Variants in SIRT3 observed in about 807,000 individuals in gnomAD.
SIRT3 encodes the protein NAD-dependent protein deacetylase sirtuin-3, mitochondrial.
Under a neutral mutation model 33.5 loss-of-function variants are expected in SIRT3, and 26 were observed. The observed-to-expected ratio is 0.78, with a 90% CI of 0.57 to 1.08. The LOEUF (loss-of-function observed/expected upper bound fraction) is 1.08. Among genes scored for constraint, SIRT3 ranks in the 50% least tolerant of loss-of-function variants. The probability of loss-of-function intolerance (pLI) is 0.00; values close to 1 mark genes in which losing one functional copy is unlikely to be tolerated. For missense variants in SIRT3, 585 were observed against 530.1 expected (o/e 1.10, Z -1.02); for synonymous variants, 237 against 222.1 (o/e 1.07, Z -0.60).
chr11:235,030 A>ACCAC (rs1858756432), intron 1 of SIRT3, among the ~76,000 whole-genome samples: 1 of 151,906 alleles, frequency 6.6e-6, no homozygotes, highest in African/African-American at 2.4e-5. Context: ...GGCGCCCGCC[A>ACCAC]CCACGCCCGG....
At chr11:231,837 T>C (rs779409725) in intron 3 of SIRT3, among the ~76,000 whole-genome samples, 43 of 151,362 alleles carry the variant, frequency 2.8e-4, no homozygotes, top group Admixed American at 2.6e-4. Context: ...CCACCTCTTT[T>C]TAACTGACAA....
upstream of SIRT3, chr11:236,701 C>G: frequency 2.7e-6 from 1 of 365,606 alleles, no homozygotes; most frequent in South Asian, 2.7e-5. Context: ...CTAATCCTCG[C>G]AAAACACTAC....
At position 219,202 on chromosome 11, in the gene SIRT3, T is replaced by C. The variant is rs145905941; in HGVS notation, c.970-161A>G. 2.0e-3 allele frequency among the ~76,000 whole-genome samples: 300 copies of C among 152,234 alleles called. 1 individual carries two copies. The highest frequency in any genetic ancestry group is 7.0e-3 in the African/African-American group (289 of 41,510). On this transcript the variant is annotated intron_variant, in intron 5 of 6. Coordinates refer to ENST00000382743, the MANE Select transcript of SIRT3 (RefSeq NM_012239.6). Reference sequence around the variant, plus strand: ...ACCAATCTCATTTCTTCAGCTGAGCTCCTGCCGCTTGGCCTCCGTGACGGT... The same window carrying C: ...ACCAATCTCATTTCTTCAGCTGAGCCCCTGCCGCTTGGCCTCCGTGACGGT...
intron 6 of SIRT3, among the ~76,000 whole-genome samples, chr11:217,982 G>A (rs889881634): frequency 6.6e-6 from 1 of 152,168 alleles, no homozygotes; most frequent in Admixed American, 6.5e-5. Flanking sequence ...CAGTTCCCCC[G>A]CACACGTCCT....
upstream of SIRT3, chr11:236,906 A>G: frequency 2.9e-6 from 2 of 697,642 alleles, no homozygotes; most frequent in Non-Finnish European, 5.0e-6. Context: ...CCGAGCAACC[A>G]GCGGGGCCCG....
rs964382049 is a variant in SIRT3 at position 215,402 on chromosome 11, CAAAAAAT to C, written c.*1289_*1295del. 6.6e-6 allele frequency: 1 copy of C among 151,832 alleles called. No individual in the cohort carries two copies. The allele number at this position is 151,832 out of a possible 1,614,324, so 9.4% of individuals were successfully genotyped here. On this transcript the variant is annotated 3_prime_UTR_variant, in exon 7 of 7. Transcript: ENST00000382743. ...CCACCCTGAGTGACAGGGCAAGACT[CAAAAAAT>C]AAAAAAGGAACATTAACTAGGGTTA...
rs144507767 is a variant in SIRT3 at position 223,832 on chromosome 11, C to G, written c.969+246G>C. The G allele has an allele frequency of 2.2e-5, 13 of 585,818 alleles. No individual in the cohort carries two copies. The highest frequency in any genetic ancestry group is 3.6e-5 in the Non-Finnish European group (12 of 333,690). 36.3% of individuals were successfully genotyped at this position (585,818 alleles called of 1,614,324 possible). A position where few individuals can be genotyped will look rare whatever the true frequency, so the allele number is the denominator to read the frequency against. The stretch of plus-strand genomic sequence containing the variant: ...ACCCCTCCCTTCCCCTGCCCTCCAG[C>G]CTCCTCCCTGCACAGGCCTGCCGAC... On this transcript the variant is annotated intron_variant, in intron 5 of 6. Transcript: ENST00000382743. The surrounding 1 kb of genome is among the most constrained non-coding windows in gnomAD (Gnocchi z 4.8).
rs139629852 is a variant in SIRT3 at position 218,732 on chromosome 11, CTGTTACTGTG to C, written c.1179+90_1179+99del. The C allele has an allele frequency of 7.2e-3, 11,311 of 1,578,054 alleles. 196 individuals are homozygous for C. Among genetic ancestry groups the C allele is most frequent in the African/African-American group, 0.063 (4,719 of 74,534 alleles). ...GGATTCACAGCATCATCAGCTATTA[CTGTTACTGTG>C]TTAACCAACGGGGCTCCATATCAGG... On this transcript the variant is annotated intron_variant, in intron 6 of 6. Coordinates refer to ENST00000382743, the MANE Select transcript of SIRT3 (RefSeq NM_012239.6).
Position 224,169 on chromosome 11 carries a change from A to G in SIRT3, c.878T>C (p.Phe293Ser). ...CCTCTGGGGCAGCGGCTCCCCAAAG[A>G]ACACAATGTCGGGCTTCACAACGCC... ...CTGVVKPDIV[F>S]FGEPLPQRFL... The change falls in exon 5 of 7, where the codon TTC becomes TCC. Residue 293 changes from phenylalanine (F) to serine (S), a missense_variant. Coordinates refer to ENST00000382743, the MANE Select transcript of SIRT3 (RefSeq NM_012239.6). The G allele has an allele frequency of 6.2e-7, 1 of 1,614,190 alleles. No homozygotes were observed. The highest frequency in any genetic ancestry group is 8.5e-7 in the Non-Finnish European group (1 of 1,180,028).
chr11:224,939 C>A (rs1306387898), intron 4 of SIRT3, among the ~76,000 whole-genome samples: 1 of 151,380 alleles, frequency 6.6e-6, no homozygotes, highest in Non-Finnish European at 1.5e-5. Context: ...CAGGCTCAGC[C>A]CAGCAAAAAG....
intron 4 of SIRT3, among the ~76,000 whole-genome samples, chr11:228,229 A>G (rs1857434182): frequency 6.7e-6 from 1 of 149,158 alleles, no homozygotes; most frequent in African/African-American, 2.4e-5. Context: ...TTCTATTCAC[A>G]TCCACAGAAC....
At chr11:221,401 G>A (rs1280260535) in intron 5 of SIRT3, among the ~76,000 whole-genome samples, 1 of 152,168 alleles carries the variant, frequency 6.6e-6, no homozygotes, top group East Asian at 1.9e-4. Context: ...GTGAGCCACG[G>A]TGCCTGGCCC....
At chr11:221,689 C>T (rs987446004) in intron 5 of SIRT3, among the ~76,000 whole-genome samples, 1 of 152,226 alleles carries the variant, frequency 6.6e-6, no homozygotes, top group African/African-American at 2.4e-5. Flanking sequence ...GACACCAGCT[C>T]ATTCAGTTCA....
At position 233,172 on chromosome 11, in the gene SIRT3, G is replaced by C. The variant is rs1263819659; in HGVS notation, c.517C>G (p.Leu173Val). 1.9e-6 allele frequency: 3 copies of C among 1,614,066 alleles called. No homozygotes were observed. Among genetic ancestry groups the C allele is most frequent in the Non-Finnish European group, 2.5e-6 (3 of 1,180,048 alleles). Residue 173 changes from leucine (L) to valine (V), a missense_variant, in exon 3 of 7, where the codon CTC (leucine) becomes GTC (valine). Physicochemically the swap from Leu to Val is conservative, Grantham distance 32. Transcript: ENST00000382743. ...TCAAAAATGGCCTCGGGGTACGGGAGATCGTACTGCTGGAGGTTGCTGTAC... is the reference window on the plus strand; with the variant it reads ...TCAAAAATGGCCTCGGGGTACGGGACATCGTACTGCTGGAGGTTGCTGTAC... ...GLYSNLQQYD[L>V]PYPEAIFELP...
chr11:224,336 C>T (rs2133847199), intron 4 of SIRT3, 97 bp from the exon 5 acceptor site: 3 of 1,334,184 alleles, frequency 2.2e-6, no homozygotes, highest in East Asian at 5.0e-5. Flanking sequence ...ACATTCTCCC[C>T]CAAAAAAGGT....
intron 1 of SIRT3, among the ~76,000 whole-genome samples, chr11:234,645 G>A (rs1224163393): frequency 6.6e-6 from 1 of 152,142 alleles, no homozygotes; most frequent in Admixed American, 6.5e-5. Context: ...TCGATCTCCT[G>A]ACCTCGTGAT....
intron 5 of SIRT3, among the ~76,000 whole-genome samples, chr11:219,356 T>G (rs1856111768): frequency 6.6e-6 from 1 of 152,210 alleles, no homozygotes. Context: ...GAGCACGTTC[T>G]GTTCTCCCTG....
At chr11:234,403 TTTTTG>T (rs1554893541) in intron 1 of SIRT3, among the ~76,000 whole-genome samples, 24,349 of 151,306 alleles carry the variant, frequency 0.16, 2,470 homozygotes, top group Non-Finnish European at 0.22. Flanking sequence ...GTAGCAAGGA[TTTTTG>T]TTTTGTTTTG....
intron 2 of SIRT3, 42 bp from the exon 3 acceptor site, chr11:233,257 A>G (rs1858359371): frequency 6.2e-7 from 1 of 1,604,930 alleles, no homozygotes; most frequent in African/African-American, 1.3e-5. Context: ...TTGGAAGAGG[A>G]CAGGGAAGTG....
Sources: gnomAD v4.1 joint callset for allele counts (sites outside exome capture counted in the v4.1 genomes callset) on GRCh38, gnomAD v4.1.1 for gene constraint, Gnocchi (gnomAD v3.1) non-coding constraint, MANE v1.5 for transcripts, NCBI Gene and HGNC (gene_info 2026-07-23, HGNC 2026-07-21) for gene names.